Variants in ARHGEF11 observed in about 807,000 individuals in gnomAD.
ARHGEF11 encodes the protein Rho guanine exchange factor (GEF) 11.
ARHGEF11 carries 55 observed loss-of-function variants against 193.7 expected under a neutral mutation model. The ratio of observed to expected loss-of-function variants is 0.28; its 90% CI spans 0.23 to 0.36. ARHGEF11 has a LOEUF of 0.36. ARHGEF11 is among the 10% of genes least tolerant of loss of function. The pLI is 1.00. For missense variants in ARHGEF11, 1,723 were observed against 2,005.6 expected (o/e 0.86, Z 2.69); for synonymous variants, 693 against 768.0 (o/e 0.90, Z 1.62).
chr1:157,044,132 G>C (rs1405025425), intron 1 of ARHGEF11, among the ~76,000 whole-genome samples, 167 bp downstream of exon 1: 1 of 152,096 alleles, frequency 6.6e-6, no homozygotes, highest in Non-Finnish European at 1.5e-5. Context: ...CTATGTTTTT[G>C]CACATAACCA....
At chr1:157,027,669 T>G (rs1670815852) in intron 1 of ARHGEF11, among the ~76,000 whole-genome samples, 1 of 152,142 alleles carries the variant, frequency 6.6e-6, no homozygotes, top group African/African-American at 2.4e-5. Flanking sequence ...GCAACAGTAG[T>G]TCCCATCCCT....
chr1:156,936,300 T>A, intron 40 of ARHGEF11: 1 of 685,350 alleles, frequency 1.5e-6, no homozygotes. Flanking sequence ...CATAGCTGTG[T>A]CCCTGGCCCA....
intron 1 of ARHGEF11, among the ~76,000 whole-genome samples, chr1:157,003,734 T>C (rs1199063078): frequency 1.3e-5 from 2 of 152,190 alleles, no homozygotes; most frequent in Non-Finnish European, 2.9e-5. Context: ...CAACTATTTA[T>C]ACGTCTGCTG....
rs745509838 is a variant in ARHGEF11, at chr1:156,942,749, G to A, written c.3267C>T (p.Ser1089=). The change falls in exon 33 of 41, where the codon TCC becomes TCT. Residue 1089 remains serine (S), a synonymous_variant. Coordinates refer to ENST00000368194, the MANE Select transcript of ARHGEF11 (RefSeq NM_198236.3). ...DKRAFFIICT[S]KLGPPQIYEL... is the part of the protein sequence containing the mutation. The stretch of plus-strand genomic sequence containing the variant: ...CATAGATCTGGGGTGGGCCCAGCTT[G>A]GAGGTGCAGATGATGAAGAAGGCCC... The A allele has an allele frequency of 7.4e-6, 12 of 1,614,056 alleles. No individual in the cohort carries two copies. In the East Asian group the frequency reaches 2.7e-4, roughly 36 times the overall value.
intron 1 of ARHGEF11, among the ~76,000 whole-genome samples, chr1:157,004,374 C>T (rs958736623): frequency 2.6e-5 from 4 of 152,166 alleles, no homozygotes; most frequent in Non-Finnish European, 4.4e-5. Context: ...CCATCCCAGG[C>T]GGAAACCCCA....
At chr1:156,982,245 C>A (rs997506529) in intron 3 of ARHGEF11, among the ~76,000 whole-genome samples, 2 of 151,650 alleles carry the variant, frequency 1.3e-5, no homozygotes, top group Admixed American at 6.6e-5. Flanking sequence ...AGCAGAAATT[C>A]TCAGACTTCA....
In ARHGEF11 at chr1:156,978,241, G is replaced by C; in HGVS notation, c.473C>G (p.Pro158Arg). 2.5e-6 allele frequency: 4 copies of C among 1,614,192 alleles called. No individual in the cohort carries two copies. Among genetic ancestry groups the C allele is most frequent in the Non-Finnish European group, 3.4e-6 (4 of 1,180,018 alleles). The part of the protein sequence containing the change: ...IPSPPPPPPL[P>R]PPQRITGPKP... ...GGGTCCTGTGATGCGTTGTGGAGGT[G>C]GTAGAGGTGGAGGAGGTGGTGGTGA... The change falls in exon 6 of 41, where the codon CCA (proline) becomes CGA (arginine). Residue 158 changes from proline (P) to arginine (R), a missense_variant. Around this residue, in one of 5 missense-constraint regions of ARHGEF11, gnomAD observed 646 missense variants for 710.7 expected, o/e 0.91. Transcript: ENST00000368194.
intron 1 of ARHGEF11, among the ~76,000 whole-genome samples, chr1:157,037,974 G>A (rs1227724207): frequency 7.1e-6 from 1 of 139,890 alleles, no homozygotes; most frequent in Non-Finnish European, 1.5e-5. Flanking sequence ...GGAGGTTGCA[G>A]TGAGCCGAGA....
intron 3 of ARHGEF11, 53 bp downstream of exon 3, chr1:156,984,286 A>G: frequency 7.1e-7 from 1 of 1,407,196 alleles, no homozygotes. Flanking sequence ...TGTCACATAC[A>G]TGGTGGCTTT....
chr1:157,044,644 T>C lies in ARHGEF11; in HGVS notation c.-314A>G, dbSNP rs1489833641. On this transcript the variant is annotated 5_prime_UTR_variant, in exon 1 of 41. Transcript: ENST00000368194. ...AACCAAAAACCCAGCCACGAATCTCTTCAAGGTTAGCACTATGGCCAAAAA... is the reference window on the plus strand; with the variant it reads ...AACCAAAAACCCAGCCACGAATCTCCTCAAGGTTAGCACTATGGCCAAAAA... 2 of 488,360 alleles carry C rather than the reference T, an allele frequency of 4.1e-6. No homozygotes were observed. The highest frequency in any genetic ancestry group is 7.2e-6 in the Non-Finnish European group (2 of 278,010). The allele number at this position is 488,360 out of a possible 1,614,324, so 30.3% of individuals were successfully genotyped here.
At chr1:157,004,653 C>T (rs1013816664) in intron 1 of ARHGEF11, among the ~76,000 whole-genome samples, 1 of 152,064 alleles carries the variant, frequency 6.6e-6, no homozygotes, top group Non-Finnish European at 1.5e-5. Context: ...AAACTGAAGA[C>T]GGGTGGGGTG....
chr1:156,939,050 G>A (rs2101790045), intron 37 of ARHGEF11: 1 of 199,482 alleles, frequency 5.0e-6, no homozygotes. Flanking sequence ...TCCCTCACTC[G>A]CCAAATGTCT....
At chr1:156,962,587 C>A (rs749452390) in intron 13 of ARHGEF11, among the ~76,000 whole-genome samples, 1 of 152,048 alleles carries the variant, frequency 6.6e-6, no homozygotes, top group Non-Finnish European at 1.5e-5. Context: ...GTTTAAAAAA[C>A]GAAGGAAGAG....
chr1:157,019,096 C>G (rs1669649927), intron 1 of ARHGEF11, among the ~76,000 whole-genome samples: 1 of 152,066 alleles, frequency 6.6e-6, no homozygotes, highest in African/African-American at 2.4e-5. Flanking sequence ...TCATTAAATA[C>G]AAAGAGTACA....
intron 12 of ARHGEF11, 54 bp downstream of exon 12, chr1:156,963,466 G>A: frequency 3.2e-6 from 5 of 1,582,758 alleles, no homozygotes; most frequent in Non-Finnish European, 4.3e-6. Flanking sequence ...CTAGTCAAGA[G>A]CAGCTTGTAT....
chr1:156,941,718 A>T, intron 34 of ARHGEF11, 146 bp downstream of exon 34: 1 of 1,264,428 alleles, frequency 7.9e-7, no homozygotes, highest in Non-Finnish European at 1.1e-6. Flanking sequence ...ATGTTCCTCC[A>T]TCTGCCAGCA....
chr1:156,987,475 A>G (rs1478625973), intron 1 of ARHGEF11, among the ~76,000 whole-genome samples: 1 of 152,254 alleles, frequency 6.6e-6, no homozygotes, highest in Non-Finnish European at 1.5e-5. Flanking sequence ...ATATGTTTAA[A>G]TATTTATTTA....
At position 156,959,079 on chromosome 1, in the gene ARHGEF11, A is replaced by C; in HGVS notation, c.1346T>G (p.Met449Arg). The C allele has an allele frequency of 6.2e-7, 1 of 1,614,234 alleles. No homozygotes were observed. The highest frequency in any genetic ancestry group is 8.5e-7 in the Non-Finnish European group (1 of 1,180,040). ...GTGGATCTGCTCTTGGATCTCAGGC[A>C]TGGCTGCCTCTTGAGCTTCACAGAG... ...GVLCEAQEAA[M>R]PEIQEQIHDY... Residue 449 changes from methionine to arginine, a missense_variant, in exon 16 of 41, where the codon ATG becomes AGG. By Grantham distance (91) the Met-to-Arg change is moderately conservative. This residue lies in a region of ARHGEF11 where 646 missense variants were observed against 710.7 expected (regional missense o/e 0.91). Coordinates refer to ENST00000368194, the MANE Select transcript of ARHGEF11 (RefSeq NM_198236.3).
In ARHGEF11 at chr1:156,978,954, CAGT is replaced by C. The variant is rs540947609; in HGVS notation, c.331+272_331+274del. On this transcript the variant is annotated intron_variant, in intron 5 of 40. Coordinates refer to ENST00000368194, the MANE Select transcript of ARHGEF11 (RefSeq NM_198236.3). ...AAGGTATTTGAGGGAGACCTGGTCT[CAGT>C]AGGATATGGTCTAAATAGGTGTGGC... Among the ~76,000 whole-genome samples the C allele has an allele frequency of 8.5e-5, 13 of 152,330 alleles. No individual in the cohort carries two copies. The East Asian group carries it at 2.1e-3, about 25-fold the overall frequency.
Sources: gnomAD v4.1 joint callset for allele counts (sites outside exome capture counted in the v4.1 genomes callset) on GRCh38, gnomAD v4.1.1 for gene constraint, gnomAD v4.1.1 regional missense constraint, MANE v1.5 for transcripts, NCBI Gene and HGNC (gene_info 2026-07-23, HGNC 2026-07-21) for gene names.